The following R3HDM1 variants were observed in gnomAD, a reference collection of about 807,000 sequenced individuals.
R3HDM1 encodes R3H domain-containing protein 1.
A neutral mutation model predicts 141.1 loss-of-function variants in R3HDM1; 46 were observed. That is an observed-to-expected ratio of 0.33 (90% confidence interval 0.26 to 0.42). The LOEUF (loss-of-function observed/expected upper bound fraction) is 0.42. R3HDM1 is among the 10% of genes least tolerant of loss of function. The pLI is 1.00. For missense variants in R3HDM1, 1,184 were observed against 1,368.3 expected (o/e 0.87, Z 2.12); for synonymous variants, 435 against 472.9 (o/e 0.92, Z 1.04).
chr2:135,645,412 T>C lies in R3HDM1; in HGVS notation c.1508T>C (p.Val503Ala), dbSNP rs1391480201. The change falls in exon 16 of 27, where the codon GTT becomes GCT. Residue 503 changes from valine to alanine, a missense_variant. Coordinates refer to ENST00000683871, the MANE Select transcript of R3HDM1 (RefSeq NM_001378107.1). ...TTCATAAACCCAGATGGGAGTCCAG[T>C]TGTGTATAATCCTCCTATGACTCAA... ...QPFINPDGSP[V>A]VYNPPMTQQP... 2 of 1,612,606 alleles carry C rather than the reference T, an allele frequency of 1.2e-6. No individual in the cohort carries two copies. The highest frequency in any genetic ancestry group is 3.3e-5 in the Admixed American group (2 of 60,004).
At chr2:135,662,753 C>T (rs908307680) in intron 19 of R3HDM1, among the ~76,000 whole-genome samples, 1 of 152,116 alleles carries the variant, frequency 6.6e-6, no homozygotes, top group Non-Finnish European at 1.5e-5. Flanking sequence ...TGGTACTGCT[C>T]ATTAGCTTTA....
At chr2:135,652,382 CTT>C (rs1378805491) in intron 18 of R3HDM1, among the ~76,000 whole-genome samples, 1 of 152,156 alleles carries the variant, frequency 6.6e-6, no homozygotes, top group Non-Finnish European at 1.5e-5. Context: ...AATCCCAGCA[CTT>C]TGTGAGGCTG....
intron 24 of R3HDM1, among the ~76,000 whole-genome samples, chr2:135,720,089 C>T (rs961489910): frequency 3.9e-5 from 6 of 152,178 alleles, no homozygotes; most frequent in Non-Finnish European, 7.3e-5. Flanking sequence ...ATGATCCGCC[C>T]GTCTCGGCCT....
chr2:135,647,210 A>G (rs1364317571), intron 16 of R3HDM1, among the ~76,000 whole-genome samples: 3 of 152,196 alleles, frequency 2.0e-5, no homozygotes, highest in African/African-American at 7.2e-5. Flanking sequence ...TTGGTTACAT[A>G]CAATGAGCTC....
chr2:135,623,037 T>A, intron 7 of R3HDM1: 1 of 980,814 alleles, frequency 1.0e-6, no homozygotes, highest in Non-Finnish European at 1.2e-6. Context: ...AAAATAGGTA[T>A]CTCACCATAG....
At chr2:135,557,660 A>T (rs1293149446) in intron 1 of R3HDM1, among the ~76,000 whole-genome samples, 1 of 152,170 alleles carries the variant, frequency 6.6e-6, no homozygotes, top group Non-Finnish European at 1.5e-5. Flanking sequence ...GGATGATCAT[A>T]TGGCATATTC....
rs768231589 is a variant in R3HDM1 at position 135,639,067 on chromosome 2, G to T, written c.1164G>T (p.Leu388=). 1 of 1,614,134 alleles carries T rather than the reference G, an allele frequency of 6.2e-7. No homozygotes were observed. The highest frequency in any genetic ancestry group is 1.1e-5 in the South Asian group (1 of 91,066). The change falls in exon 14 of 27, where the codon CTG becomes CTT. Residue 388 remains leucine, a synonymous_variant. Transcript: ENST00000683871. The stretch of plus-strand genomic sequence containing the variant: ...GCAGCTTCAGTGGAATCTCAGTCCT[G>T]ACAAGAGGTGATAGTTCTGGAAGCA... ...KASSFSGISV[L]TRGDSSGSSK...
At chr2:135,605,579 T>A (rs1174589926) in intron 3 of R3HDM1, 2 of 152,318 alleles carry the variant, frequency 1.3e-5, no homozygotes, top group Non-Finnish European at 2.9e-5. Context: ...TAGGTAAAAA[T>A]GGTCCCAAGT....
chr2:135,618,469 T>TTTC (rs2061263344), intron 5 of R3HDM1, among the ~76,000 whole-genome samples: 2 of 151,004 alleles, frequency 1.3e-5, no homozygotes, highest in African/African-American at 4.9e-5. Flanking sequence ...GCTGATTTTT[T>TTTC]TTTTTTTTTT....
intron 18 of R3HDM1, among the ~76,000 whole-genome samples, chr2:135,660,131 T>C (rs1042177995): frequency 2.0e-5 from 3 of 152,236 alleles, no homozygotes; most frequent in Admixed American, 1.3e-4. Flanking sequence ...TGTATATGTT[T>C]CAATAAAGAA....
intron 21 of R3HDM1, 86 bp downstream of exon 21, chr2:135,680,410 G>A: frequency 2.1e-6 from 3 of 1,412,060 alleles, no homozygotes; most frequent in Non-Finnish European, 2.0e-6. Context: ...GTTGACTAAG[G>A]GGCATTACTT....
intron 20 of R3HDM1, among the ~76,000 whole-genome samples, chr2:135,677,631 A>G (rs1249004438): frequency 2.0e-5 from 3 of 152,144 alleles, no homozygotes; most frequent in African/African-American, 2.4e-5. Context: ...TTTTTACACC[A>G]TACATTTTTA....
chr2:135,621,681 A>T lies in R3HDM1; in HGVS notation c.418+73A>T, dbSNP rs1289014830. Reference sequence around the variant, plus strand: ...AATTCCATCCTTTTCCCCTTGAATAATTATATATAGTATATCTTTATGTAA... The same window carrying T: ...AATTCCATCCTTTTCCCCTTGAATATTTATATATAGTATATCTTTATGTAA... On this transcript the variant is annotated intron_variant, in intron 6 of 26. Coordinates refer to ENST00000683871, the MANE Select transcript of R3HDM1 (RefSeq NM_001378107.1). 4 of 1,421,240 alleles carry T rather than the reference A, an allele frequency of 2.8e-6. No homozygotes were observed. In the African/African-American group the frequency reaches 5.8e-5, roughly 21 times the overall value. 88.0% of individuals were successfully genotyped at this position (1,421,240 alleles called of 1,614,324 possible). A position where few individuals can be genotyped will look rare whatever the true frequency, so the allele number is the denominator to read the frequency against.
intron 23 of R3HDM1, among the ~76,000 whole-genome samples, chr2:135,713,744 T>C (rs1324258810): frequency 1.3e-5 from 2 of 152,106 alleles, no homozygotes; most frequent in Non-Finnish European, 2.9e-5. Context: ...CCAGAGTTGG[T>C]GCAGGGAAAG....
intron 11 of R3HDM1, 79 bp from the exon 12 acceptor site, chr2:135,638,539 G>A: frequency 7.3e-7 from 1 of 1,362,486 alleles, no homozygotes; most frequent in Non-Finnish European, 1.0e-6. Flanking sequence ...CATGATTTTT[G>A]TTGTCATCAT....
rs1369567421 is a variant in R3HDM1, at chr2:135,723,986, C to T, written c.3099C>T (p.Arg1033=). ...EITELPDGIT[R]MEAEKLFGEL... is the part of the protein sequence containing the mutation. The stretch of plus-strand genomic sequence containing the variant: ...CTGAACTACCAGATGGAATAACTCG[C>T]ATGGAAGCTGAAAAGCTTTTTGGGG... Residue 1033 remains arginine, a synonymous_variant, in exon 27 of 27, where the codon CGC becomes CGT. Coordinates refer to ENST00000683871, the MANE Select transcript of R3HDM1 (RefSeq NM_001378107.1). 8.1e-6 allele frequency: 13 copies of T among 1,613,906 alleles called. No homozygotes were observed. Among genetic ancestry groups the T allele is most frequent in the Middle Eastern group, 1.6e-4 (1 of 6,084 alleles).
At chr2:135,680,523 A>G (rs546040466) in intron 21 of R3HDM1, among the ~76,000 whole-genome samples, 199 bp downstream of exon 21, 1 of 152,352 alleles carries the variant, frequency 6.6e-6, no homozygotes, top group South Asian at 2.1e-4. Flanking sequence ...TAATCCCAGC[A>G]CTTTGGGAGG....
chr2:135,628,941 A>G (rs540952788), intron 7 of R3HDM1, among the ~76,000 whole-genome samples: 1 of 151,212 alleles, frequency 6.6e-6, no homozygotes, highest in South Asian at 2.1e-4. Context: ...CCTGCTTTTG[A>G]TTCTCGTCTT....
At chr2:135,584,470 C>T in intron 1 of R3HDM1, 3 of 801,672 alleles carry the variant, frequency 3.7e-6, no homozygotes, top group East Asian at 1.3e-4. Flanking sequence ...TGTGTTTTAA[C>T]ATTTGTAAGG....
Sources: gnomAD v4.1 joint callset for allele counts (sites outside exome capture counted in the v4.1 genomes callset) on GRCh38, gnomAD v4.1.1 for gene constraint, MANE v1.5 for transcripts, NCBI Gene and HGNC (gene_info 2026-07-23, HGNC 2026-07-21) for gene names.